Variants in TCF7L2 observed in about 807,000 individuals in gnomAD.
TCF7L2 encodes transcription factor 7-like 2.
A neutral mutation model predicts 77.9 loss-of-function variants in TCF7L2; 23 were observed. That is an observed-to-expected ratio of 0.30 (90% confidence interval 0.21 to 0.42). The LOEUF (loss-of-function observed/expected upper bound fraction) is 0.42. Ranked by LOEUF, TCF7L2 falls within the 10% of genes least tolerant of loss-of-function variation. The probability of loss-of-function intolerance (pLI) is 1.00; values close to 1 mark genes in which losing one functional copy is unlikely to be tolerated. For synonymous variants in TCF7L2, 413 were observed against 340.2 expected (o/e 1.21, Z -2.36); for missense variants, 654 against 793.1 (o/e 0.82, Z 2.11).
At chr10:113,129,820 G>T in intron 5 of TCF7L2, 1 of 1,289,400 alleles carries the variant, frequency 7.8e-7, no homozygotes, top group Non-Finnish European at 1.0e-6. Flanking sequence ...CGAAGGTACA[G>T]AGAAAGTTTT....
At chr10:113,140,820 A>T (rs2068233497) in intron 5 of TCF7L2, among the ~76,000 whole-genome samples, 1 of 152,122 alleles carries the variant, frequency 6.6e-6, no homozygotes, top group African/African-American at 2.4e-5. Flanking sequence ...TTGGGGTAGG[A>T]GGTCCCCACA....
intron 4 of TCF7L2, among the ~76,000 whole-genome samples, chr10:113,011,982 CGCCTCAAGTATTGCTCTTGAGCGTTACT>C (rs1048128342): frequency 1.3e-5 from 2 of 151,834 alleles, no homozygotes; most frequent in African/African-American, 4.8e-5. Flanking sequence ...TGAGCTTTAC[CGCCTCAAGTATTGCTCTTGAGCGTTACT>C]GCCTCGAGTA....
intron 5 of TCF7L2, among the ~76,000 whole-genome samples, chr10:113,095,381 A>G (rs1017523099): frequency 2.6e-5 from 4 of 152,178 alleles, no homozygotes; most frequent in Non-Finnish European, 4.4e-5. Flanking sequence ...TGGGACTGCC[A>G]GATTATTTTT....
At chr10:113,040,184 C>CT in intron 5 of TCF7L2, 58 bp downstream of exon 5, 2 of 1,490,716 alleles carry the variant, frequency 1.3e-6, no homozygotes, top group Non-Finnish European at 1.9e-6. Flanking sequence ...AAAGAAAATG[C>CT]TTTTTTGATG....
intron 5 of TCF7L2, among the ~76,000 whole-genome samples, chr10:113,064,591 G>A (rs2056988490): frequency 6.6e-6 from 1 of 152,214 alleles, no homozygotes; most frequent in African/African-American, 2.4e-5. Context: ...AGGTACTACT[G>A]TTCATCAGCT....
intron 4 of TCF7L2, among the ~76,000 whole-genome samples, chr10:113,039,690 TCTCC>T (rs1173550579): frequency 4.6e-5 from 7 of 152,170 alleles, no homozygotes; most frequent in African/African-American, 1.4e-4. Flanking sequence ...TATTCTTTCC[TCTCC>T]CTCCCCACCT....
intron 5 of TCF7L2, among the ~76,000 whole-genome samples, chr10:113,052,301 G>A (rs1044821236): frequency 1.3e-5 from 2 of 152,134 alleles, no homozygotes; most frequent in African/African-American, 4.8e-5. Context: ...GGCCTCCAGG[G>A]GAAGGATGCA....
intron 5 of TCF7L2, among the ~76,000 whole-genome samples, chr10:113,098,761 T>C (rs985146857): frequency 4.6e-5 from 7 of 152,104 alleles, no homozygotes; most frequent in African/African-American, 1.7e-4. Flanking sequence ...GATCATTGAC[T>C]TTTTCTTTTG....
intron 12 of TCF7L2, among the ~76,000 whole-genome samples, chr10:113,158,437 G>C (rs1019344654): frequency 1.3e-5 from 2 of 152,130 alleles, no homozygotes; most frequent in African/African-American, 2.4e-5. Context: ...GGAGTAGGAG[G>C]GGGTGTGTGT....
chr10:113,021,463 A>T (rs1293184174), intron 4 of TCF7L2, among the ~76,000 whole-genome samples: 1 of 152,186 alleles, frequency 6.6e-6, no homozygotes, highest in African/African-American at 2.4e-5. Flanking sequence ...GCAATTACCA[A>T]CTTTGGAATA....
At chr10:113,075,410 G>A (rs1312134732) in intron 5 of TCF7L2, among the ~76,000 whole-genome samples, 1 of 151,580 alleles carries the variant, frequency 6.6e-6, no homozygotes, top group Non-Finnish European at 1.5e-5. Flanking sequence ...AGTGAGCTGA[G>A]ATCGTGCCAT....
chr10:112,994,088 G>C (rs973706275), intron 4 of TCF7L2, among the ~76,000 whole-genome samples: 2 of 151,500 alleles, frequency 1.3e-5, no homozygotes, highest in Non-Finnish European at 2.9e-5. Flanking sequence ...CAGCTCTACT[G>C]AGATATTTAG....
chr10:113,138,641 A>G (rs1416046387), intron 5 of TCF7L2, among the ~76,000 whole-genome samples: 2 of 152,170 alleles, frequency 1.3e-5, no homozygotes, highest in African/African-American at 4.8e-5. Flanking sequence ...GTAATAGATA[A>G]TAAATAACAA....
intron 4 of TCF7L2, among the ~76,000 whole-genome samples, chr10:112,965,505 G>T (rs11819141): frequency 0.018 from 2,709 of 152,274 alleles, 69 homozygotes; most frequent in African/African-American, 0.063. Flanking sequence ...CTGTAGTGTT[G>T]AGGTCTAGCT....
At chr10:113,090,016 A>G (rs942888541) in intron 5 of TCF7L2, among the ~76,000 whole-genome samples, 1 of 152,228 alleles carries the variant, frequency 6.6e-6, no homozygotes, top group Admixed American at 6.5e-5. Context: ...CTTTGCCTCG[A>G]CAATACCTAC....
intron 8 of TCF7L2, 140 bp from the exon 9 acceptor site, chr10:113,150,858 C>G (rs2137115533): frequency 9.3e-7 from 1 of 1,070,696 alleles, no homozygotes; most frequent in Non-Finnish European, 1.3e-6. Flanking sequence ...CTAATTAATG[C>G]TGACAGGTTT....
At chr10:113,051,990 C>T (rs1181269182) in intron 5 of TCF7L2, among the ~76,000 whole-genome samples, 3 of 152,146 alleles carry the variant, frequency 2.0e-5, no homozygotes, top group Admixed American at 6.5e-5. Flanking sequence ...CCTCTACTTA[C>T]TAACACTTAC....
At chr10:113,122,434 G>T (rs1011228135) in intron 5 of TCF7L2, among the ~76,000 whole-genome samples, 6 of 152,222 alleles carry the variant, frequency 3.9e-5, no homozygotes, top group Non-Finnish European at 8.8e-5. Flanking sequence ...TAGCCAGATT[G>T]AGACAGAATA....
intron 5 of TCF7L2, among the ~76,000 whole-genome samples, chr10:113,114,300 T>G (rs1033589920): frequency 2.6e-5 from 4 of 152,252 alleles, no homozygotes; most frequent in Non-Finnish European, 5.9e-5. Flanking sequence ...TCTTAAGAAC[T>G]TATTAGCACT....
Sources: gnomAD v4.1 joint callset for allele counts (sites outside exome capture counted in the v4.1 genomes callset) on GRCh38, gnomAD v4.1.1 for gene constraint, MANE v1.5 for transcripts, NCBI Gene and HGNC (gene_info 2026-07-23, HGNC 2026-07-21) for gene names.